SLC26A4: variants seen among roughly 807,000 people sequenced by gnomAD.
SLC26A4 encodes the protein pendrin.
In SLC26A4, 93 loss-of-function variants were observed where a neutral mutation model predicts 90.4. The observed-to-expected ratio is 1.03, with a 90% CI of 0.87 to 1.22. The LOEUF is 1.22. Among genes scored for constraint, SLC26A4 ranks in the 50% most tolerant of loss-of-function variants. SLC26A4 has a pLI of 0.00. For missense variants in SLC26A4, 1,127 were observed against 946.2 expected, an observed-to-expected ratio of 1.19 and a Z score of -2.51; for synonymous variants, 393 against 354.6, an observed-to-expected ratio of 1.11 and a Z score of -1.22.
intron 6 of SLC26A4, among the ~76,000 whole-genome samples, chr7:107,679,929 CTTA>C (rs1465784735): frequency 8.9e-5 from 12 of 134,308 alleles, no homozygotes; most frequent in Non-Finnish European, 1.2e-4. Flanking sequence ...ATAATATAAT[CTTA>C]TTATATAATC....
At chr7:107,673,794 T>A (rs934700151) in intron 4 of SLC26A4, among the ~76,000 whole-genome samples, 4 of 152,132 alleles carry the variant, frequency 2.6e-5, no homozygotes, top group African/African-American at 9.7e-5. Flanking sequence ...GGTGGCGTGA[T>A]CTCAGCTCAC....
intron 20 of SLC26A4, 50 bp from the exon 21 acceptor site, chr7:107,715,371 CTT>C: frequency 6.8e-7 from 1 of 1,460,792 alleles, no homozygotes. Context: ...ATAATGCAGA[CTT>C]AAGGAGAATT....
chr7:107,704,250 C>A, intron 17 of SLC26A4, 81 bp from the exon 18 acceptor site: 1 of 711,516 alleles, frequency 1.4e-6, no homozygotes, highest in Non-Finnish European at 2.6e-6. Flanking sequence ...TAATGTTTCT[C>A]CTGAGCAAGT....
At chr7:107,699,299 G>A (rs929260351) in intron 14 of SLC26A4, among the ~76,000 whole-genome samples, 4 of 152,152 alleles carry the variant, frequency 2.6e-5, no homozygotes, top group African/African-American at 7.2e-5. Context: ...GCTGATTCCT[G>A]AAGACTAGAA....
At chr7:107,682,024 G>C (rs1006897876) in intron 6 of SLC26A4, among the ~76,000 whole-genome samples, 1 of 146,944 alleles carries the variant, frequency 6.8e-6, no homozygotes, top group African/African-American at 2.5e-5. Flanking sequence ...TGTAGCTCCA[G>C]CTACTCTGGA....
In SLC26A4 at chr7:107,695,983, C is replaced by T. The variant is rs77407094; in HGVS notation, c.1488C>T (p.Leu496=). The part of the protein sequence containing the change: ...CIVSIILGLD[L]GLLAGLIFGL... ...TGTCCATCATTCTGGGGCTGGATCTCGGTTTACTAGCTGGCCTTATATTTG... is the reference window on the plus strand; with the variant it reads ...TGTCCATCATTCTGGGGCTGGATCTTGGTTTACTAGCTGGCCTTATATTTG... The change falls in exon 13 of 21, where the codon CTC becomes CTT. Residue 496 remains leucine, a synonymous_variant. Transcript: ENST00000644269. The T allele has an allele frequency of 1.3e-3, 2,054 of 1,612,844 alleles. 17 individuals carry two copies. The African/African-American group carries it at 0.025, about 20-fold the overall frequency.
At chr7:107,697,678 A>C (rs1174476252) in intron 13 of SLC26A4, among the ~76,000 whole-genome samples, 1 of 152,234 alleles carries the variant, frequency 6.6e-6, no homozygotes, top group Non-Finnish European at 1.5e-5. Context: ...TCTCTTAAGA[A>C]GTTTAGTTAA....
Position 107,695,954 on chromosome 7 carries a change from A to G in SLC26A4, c.1459A>G (p.Ile487Val). The G allele has an allele frequency of 1.2e-6, 2 of 1,605,228 alleles. No homozygotes were observed. Among genetic ancestry groups the G allele is most frequent in the Admixed American group, 1.7e-5 (1 of 59,964 alleles). ...CTAGGTTATCTGGGTGTTTACGTGT[A>G]TAGTGTCCATCATTCTGGGGCTGGA... ...IDAVIWVFTC[I>V]VSIILGLDLG... Residue 487 changes from isoleucine to valine, a missense_variant, in exon 13 of 21, where the codon ATA (isoleucine) becomes GTA (valine). Coordinates refer to ENST00000644269, the MANE Select transcript of SLC26A4 (RefSeq NM_000441.2).
In SLC26A4 at chr7:107,710,293, A is replaced by AT. The variant is rs1441665061; in HGVS notation, c.2235+98dup. On this transcript the variant is annotated intron_variant, in intron 19 of 20. Coordinates refer to ENST00000644269, the MANE Select transcript of SLC26A4 (RefSeq NM_000441.2). ...TACACAAGTCTAGTCTAGCTGTTGA[A>AT]TTTTAAGCTACCTATATAACTTCAT... is the stretch of plus-strand genomic sequence containing the variant. 3 of 944,292 alleles carry AT rather than the reference A, an allele frequency of 3.2e-6. No homozygotes were observed. In the East Asian group the frequency reaches 7.4e-5, roughly 23 times the overall value. The allele number at this position is 944,292 out of a possible 1,614,324, so 58.5% of individuals were successfully genotyped here.
At chr7:107,674,104 A>G (rs914332554) in intron 4 of SLC26A4, 60 bp from the exon 5 acceptor site, 5 of 1,465,724 alleles carry the variant, frequency 3.4e-6, no homozygotes, top group Non-Finnish European at 4.8e-6. Context: ...AACCCTATGC[A>G]GACACATTGA....
At chr7:107,681,949 CA>C in intron 6 of SLC26A4, among the ~76,000 whole-genome samples, 1 of 150,476 alleles carries the variant, frequency 6.6e-6, no homozygotes, top group Non-Finnish European at 1.5e-5. Flanking sequence ...CCAATCTCTA[CA>C]AAAAATAAAA....
At chr7:107,698,192 G>T in intron 14 of SLC26A4, 81 bp downstream of exon 14, 1 of 905,104 alleles carries the variant, frequency 1.1e-6, no homozygotes, top group Non-Finnish European at 1.9e-6. Context: ...GTACAAGGTA[G>T]CCAAAGGGAG....
chr7:107,683,366 A>G lies in SLC26A4; in HGVS notation c.918+12A>G. Reference sequence around the variant, plus strand: ...TAGAAGTAATTGTGGTAAGTAGAATATGTAGTTAGAAAGTTCAGCATTATT... The same window carrying G: ...TAGAAGTAATTGTGGTAAGTAGAATGTGTAGTTAGAAAGTTCAGCATTATT... On this transcript the variant is annotated intron_variant, in intron 7 of 20. Transcript: ENST00000644269. 1.9e-6 allele frequency: 3 copies of G among 1,612,838 alleles called. No homozygotes were observed. The highest frequency in any genetic ancestry group is 2.2e-5 in the South Asian group (2 of 91,064).
Position 107,712,557 on chromosome 7 carries a change from T to C in SLC26A4, c.2254T>C (p.Cys752Arg). ...TTTCAAGATCACTCTCATTCAGGATTGTAAAGATACCCTTGAATTAATAGA... is the reference window on the plus strand; with the variant it reads ...TTTCAAGATCACTCTCATTCAGGATCGTAAAGATACCCTTGAATTAATAGA... ...ILETITLIQD[C>R]KDTLELIETE... is the part of the protein sequence containing the mutation. Residue 752 changes from cysteine (C) to arginine (R), a missense_variant, in exon 20 of 21, where the codon TGT becomes CGT. Transcript: ENST00000644269. 1 of 1,578,760 alleles carries C rather than the reference T, an allele frequency of 6.3e-7. No homozygotes were observed. Among genetic ancestry groups the C allele is most frequent in the East Asian group, 2.2e-5 (1 of 44,684 alleles).
intron 4 of SLC26A4, among the ~76,000 whole-genome samples, chr7:107,673,148 T>C (rs1024044114): frequency 1.5e-4 from 23 of 152,190 alleles, no homozygotes; most frequent in African/African-American, 5.3e-4. Flanking sequence ...TTTGGTATTC[T>C]ATACATTGAG....
At chr7:107,682,964 A>G (rs1270932958) in intron 6 of SLC26A4, among the ~76,000 whole-genome samples, 1 of 152,188 alleles carries the variant, frequency 6.6e-6, no homozygotes, top group African/African-American at 2.4e-5. Context: ...TTCCAAGTAA[A>G]CAATCATAAA....
chr7:107,681,659 A>C (rs1471828077), intron 6 of SLC26A4, among the ~76,000 whole-genome samples: 1 of 152,210 alleles, frequency 6.6e-6, no homozygotes, highest in Non-Finnish European at 1.5e-5. Context: ...TGAAGTTAAT[A>C]TAACAAAGAT....
rs111033365 is a variant in SLC26A4, at chr7:107,674,293, A to T, written c.545A>T (p.Asp182Val). 6.8e-6 allele frequency: 11 copies of T among 1,613,956 alleles called. No homozygotes were observed. Among genetic ancestry groups the T allele is most frequent in the Non-Finnish European group, 9.3e-6 (11 of 1,179,822 alleles). Residue 182 changes from aspartate to valine, a missense_variant, in exon 5 of 21, where the codon GAT becomes GTT. Physicochemically the swap from Asp to Val is radical, Grantham distance 152 (BLOSUM62 -3). Transcript: ENST00000644269. ...NTTMIDTAARDTARVLIASAL... is the reference protein window; with the variant it reads ...NTTMIDTAARVTARVLIASAL... ...ACTATGATAGACACTGCAGCTAGAG[A>T]TACAGCTAGAGTCCTGATTGCCAGT...
chr7:107,683,986 T>C (rs1791327763), intron 8 of SLC26A4, among the ~76,000 whole-genome samples: 1 of 152,242 alleles, frequency 6.6e-6, no homozygotes, highest in South Asian at 2.1e-4. Flanking sequence ...AAATGCATTA[T>C]CTTCAAGGGA....
Sources: allele counts gnomAD v4.1 joint callset (sites outside exome capture counted in the v4.1 genomes callset), GRCh38; gene constraint gnomAD v4.1.1; transcripts MANE v1.5; gene names NCBI Gene and HGNC (gene_info 2026-07-23, HGNC 2026-07-21).